Variants in GUCY1A1 observed in about 807,000 individuals in gnomAD.
The protein encoded by GUCY1A1 is guanylate cyclase soluble subunit alpha-1.
GUCY1A1 carries 48 observed loss-of-function variants against 64.5 expected under a neutral mutation model. The ratio of observed to expected loss-of-function variants is 0.74; its 90% CI spans 0.59 to 0.95. The LOEUF is 0.95. GUCY1A1 is among the 40% of genes least tolerant of loss of function. The pLI, the probability that GUCY1A1 is intolerant of heterozygous loss-of-function variation, is 0.00. For missense variants in GUCY1A1, 804 were observed against 825.3 expected, an observed-to-expected ratio of 0.97 and a Z score of 0.32; for synonymous variants, 308 against 303.4, an observed-to-expected ratio of 1.02 and a Z score of -0.16.
chr4:155,696,446 G>GGTCC (rs1458126235), intron 2 of GUCY1A1, among the ~76,000 whole-genome samples: 125 of 152,266 alleles, frequency 8.2e-4, no homozygotes, highest in African/African-American at 1.2e-3. Context: ...CCACTCTTGT[G>GGTCC]AAATCAAACT....
chr4:155,719,380 T>C (rs563489689), intron 8 of GUCY1A1, among the ~76,000 whole-genome samples: 4 of 152,158 alleles, frequency 2.6e-5, no homozygotes, highest in African/African-American at 9.6e-5. Flanking sequence ...GAAAGGAGCA[T>C]ATTGTGACTT....
chr4:155,704,888 T>A (rs911668546), intron 4 of GUCY1A1, among the ~76,000 whole-genome samples: 13 of 152,086 alleles, frequency 8.5e-5, no homozygotes, highest in African/African-American at 3.1e-4. Flanking sequence ...TTTTTTAAAA[T>A]TTATTTTTAT....
intron 2 of GUCY1A1, among the ~76,000 whole-genome samples, chr4:155,694,593 T>G (rs1310696771): frequency 1.3e-5 from 2 of 152,198 alleles, no homozygotes; most frequent in Non-Finnish European, 2.9e-5. Flanking sequence ...CACAGTCTGC[T>G]TTTACAAACA....
chr4:155,720,787 G>A lies in GUCY1A1; in HGVS notation c.1717-1251G>A, dbSNP rs551691710. On this transcript the variant is annotated intron_variant, in intron 8 of 9. Transcript: ENST00000506455. ...TGAGTTCTTGGTCTTCATTCAAAAC[G>A]CATACATCTAATACAACTTTTTAAA... 2.0e-5 allele frequency among the ~76,000 whole-genome samples: 3 copies of A among 152,142 alleles called. No individual in the cohort carries two copies. The East Asian group carries it at 5.8e-4, about 29-fold the overall frequency.
At chr4:155,674,854 C>G (rs1734674554) in intron 2 of GUCY1A1, among the ~76,000 whole-genome samples, 2 of 151,614 alleles carry the variant, frequency 1.3e-5, no homozygotes, top group East Asian at 1.9e-4. Context: ...ATACATAAAC[C>G]AATAAAATAG....
chr4:155,713,699 A>G, intron 7 of GUCY1A1, 116 bp downstream of exon 7: 1 of 1,095,724 alleles, frequency 9.1e-7, no homozygotes, highest in Non-Finnish European at 1.3e-6. Flanking sequence ...GGGTCTTGCA[A>G]GCCCAGTCCT....
intron 5 of GUCY1A1, among the ~76,000 whole-genome samples, chr4:155,709,456 G>A (rs964263013): frequency 7.2e-5 from 11 of 152,046 alleles, no homozygotes; most frequent in African/African-American, 2.4e-4. Context: ...ATTATGTATC[G>A]TTTACAATAC....
In GUCY1A1 at chr4:155,710,828, A is replaced by G; in HGVS notation, c.663A>G (p.Ala221=). The G allele has an allele frequency of 6.2e-7, 1 of 1,614,150 alleles. No homozygotes were observed. Among genetic ancestry groups the G allele is most frequent in the Non-Finnish European group, 8.5e-7 (1 of 1,180,006 alleles). Residue 221 remains alanine (A), a synonymous_variant, in exon 6 of 10, where the codon GCA becomes GCG. Coordinates refer to ENST00000506455, the MANE Select transcript of GUCY1A1 (RefSeq NM_001130682.3). ...TGATTCTTCCCGGCATCATAAAGGC[A>G]GCTGCTCACGTATTATATGAAACGG... ...TSLILPGIIK[A]AAHVLYETEV...
Position 155,710,913 on chromosome 4 carries a change from C to G in GUCY1A1, c.748C>G (p.Gln250Glu). Residue 250 changes from glutamine (Q) to glutamate (E), a missense_variant, in exon 6 of 10, where the codon CAG becomes GAG. Transcript: ENST00000506455. Reference sequence around the variant, plus strand: ...TAATGATTGCAGCGAGTTTGTGAATCAGCCCTACTTGTTGTACTCCGTTCA... The same window carrying G: ...TAATGATTGCAGCGAGTTTGTGAATGAGCCCTACTTGTTGTACTCCGTTCA... ...FHNDCSEFVN[Q>E]PYLLYSVHMK... The G allele has an allele frequency of 6.2e-7, 1 of 1,614,010 alleles. No individual in the cohort carries two copies. The highest frequency in any genetic ancestry group is 8.5e-7 in the Non-Finnish European group (1 of 1,179,910).
At chr4:155,723,111 T>C (rs1049077881) in intron 9 of GUCY1A1, among the ~76,000 whole-genome samples, 8 of 152,056 alleles carry the variant, frequency 5.3e-5, no homozygotes, top group Admixed American at 1.3e-4. Context: ...AACTCAAAAG[T>C]GATCCAAGGG....
At chr4:155,710,434 T>C in intron 5 of GUCY1A1, 108 bp from the exon 6 acceptor site, 3 of 687,906 alleles carry the variant, frequency 4.4e-6, no homozygotes, top group Non-Finnish European at 7.6e-6. Flanking sequence ...TTAGCAGATA[T>C]AAAGGGAGCT....
At chr4:155,700,661 T>C (rs1490963970) in intron 3 of GUCY1A1, among the ~76,000 whole-genome samples, 1 of 152,180 alleles carries the variant, frequency 6.6e-6, no homozygotes, top group Non-Finnish European at 1.5e-5. Flanking sequence ...ACAAACTATT[T>C]GCATTGGGGA....
intron 7 of GUCY1A1, among the ~76,000 whole-genome samples, chr4:155,714,809 G>A (rs927191439): frequency 6.6e-6 from 1 of 152,178 alleles, no homozygotes; most frequent in Non-Finnish European, 1.5e-5. Flanking sequence ...GGGAAAAAGA[G>A]GTCCATGTAT....
intron 2 of GUCY1A1, among the ~76,000 whole-genome samples, chr4:155,672,963 T>G (rs1489790717): frequency 6.6e-6 from 1 of 152,230 alleles, no homozygotes; most frequent in African/African-American, 2.4e-5. Context: ...GTTCTACTTT[T>G]ATAAGTATGG....
intron 6 of GUCY1A1, 61 bp from the exon 7 acceptor site, chr4:155,713,037 T>C: frequency 6.9e-7 from 1 of 1,440,694 alleles, no homozygotes; most frequent in Non-Finnish European, 9.5e-7. Context: ...TCCCCTTCTT[T>C]TGTCTCAGAA....
intron 4 of GUCY1A1, among the ~76,000 whole-genome samples, 166 bp downstream of exon 4, chr4:155,704,159 A>G (rs1177526362): frequency 6.6e-6 from 1 of 152,160 alleles, no homozygotes; most frequent in African/African-American, 2.4e-5. Flanking sequence ...AAGTGCATCT[A>G]TTTATCACAT....
In GUCY1A1 at chr4:155,713,417, GGCAAGTTGT is replaced by G; in HGVS notation, c.1412_1420del (p.Val471_Gln473del). 6.2e-7 allele frequency: 1 copy of G among 1,614,150 alleles called. No homozygotes were observed. The highest frequency in any genetic ancestry group is 8.5e-7 in the Non-Finnish European group (1 of 1,180,010). On this transcript the variant is annotated inframe_deletion, in exon 7 of 10. Transcript: ENST00000506455. ...GAGGTTGCTCAGCAGCTGTGGCAAG[GGCAAGTTGT>G]GCAAGCCAAGAAGTTCAGTAATGTC...
In GUCY1A1 at chr4:155,735,275, A is replaced by G. The variant is rs1276778400; in HGVS notation, c.*5044A>G. On this transcript the variant is annotated 3_prime_UTR_variant, in exon 10 of 10. Coordinates refer to ENST00000506455, the MANE Select transcript of GUCY1A1 (RefSeq NM_001130682.3). Reference sequence around the variant, plus strand: ...ATATAGTATCTGCCAAAATAGTAGCAAAAGTTTTATCAATGTGTAGATTTC... The same window carrying G: ...ATATAGTATCTGCCAAAATAGTAGCGAAAGTTTTATCAATGTGTAGATTTC... The G allele has an allele frequency of 6.6e-6, 1 of 151,948 alleles. No individual in the cohort carries two copies. The highest frequency in any genetic ancestry group is 6.6e-5 in the Admixed American group (1 of 15,220). 9.4% of individuals were successfully genotyped at this position (151,948 alleles called of 1,614,324 possible).
intron 4 of GUCY1A1, 82 bp downstream of exon 4, chr4:155,704,075 G>A: frequency 1.3e-6 from 1 of 787,180 alleles, no homozygotes; most frequent in Non-Finnish European, 2.2e-6. Flanking sequence ...TACTGAATGT[G>A]TCAGCCCTTT....
Sources: gnomAD v4.1 joint callset for allele counts (sites outside exome capture counted in the v4.1 genomes callset) on GRCh38, gnomAD v4.1.1 for gene constraint, MANE v1.5 for transcripts, NCBI Gene and HGNC (gene_info 2026-07-23, HGNC 2026-07-21) for gene names.